Variants in ZNF385D observed in about 807,000 individuals in gnomAD.
ZNF385D encodes zinc finger protein 659.
In ZNF385D, 15 loss-of-function variants were observed where a neutral mutation model predicts 35.8. That is an observed-to-expected ratio of 0.42 (90% CI 0.28 to 0.64). ZNF385D has a LOEUF of 0.64. ZNF385D is among the 30% of genes least tolerant of loss of function. The pLI is 0.23. For missense variants in ZNF385D, 474 were observed against 494.6 expected (o/e 0.96, Z 0.39); for synonymous variants, 212 against 186.8 (o/e 1.13, Z -1.10).
chr3:22,000,298 C>A (rs1293422626), intron 3 of ZNF385D, among the ~76,000 whole-genome samples: 1 of 91,790 alleles, frequency 1.1e-5, no homozygotes, highest in African/African-American at 6.7e-5. Context: ...GAGCGAGACT[C>A]CATCTCAAAA....
chr3:22,007,000 G>A (rs1696251767), intron 3 of ZNF385D, among the ~76,000 whole-genome samples: 1 of 151,880 alleles, frequency 6.6e-6, no homozygotes, highest in Non-Finnish European at 1.5e-5. Flanking sequence ...GTATGAAACT[G>A]GTGATGTTGT....
upstream of ZNF385D, among the ~76,000 whole-genome samples, chr3:21,756,105 C>T (rs1284081199): frequency 1.3e-5 from 2 of 152,082 alleles, no homozygotes; most frequent in Non-Finnish European, 2.9e-5. Flanking sequence ...CTATGACTGA[C>T]GTATGAAGAA....
intron 3 of ZNF385D, among the ~76,000 whole-genome samples, chr3:22,046,867 A>C (rs969984356): frequency 6.6e-6 from 1 of 152,158 alleles, no homozygotes; most frequent in African/African-American, 2.4e-5. Context: ...CATTTCATCA[A>C]CTGTGAAACA....
intron 3 of ZNF385D, among the ~76,000 whole-genome samples, chr3:21,799,635 C>G (rs1023323617): frequency 1.3e-5 from 2 of 152,014 alleles, no homozygotes; most frequent in East Asian, 1.9e-4. Flanking sequence ...CTTTTGTCAT[C>G]GAGTTCTAAG....
At chr3:21,785,059 T>G (rs1246305497) in intron 3 of ZNF385D, among the ~76,000 whole-genome samples, 3 of 152,166 alleles carry the variant, frequency 2.0e-5, no homozygotes, top group Non-Finnish European at 2.9e-5. Flanking sequence ...AATCCATGCA[T>G]GCACTTCACA....
chr3:22,264,310 G>T (rs1700785671), intron 2 of ZNF385D, among the ~76,000 whole-genome samples: 1 of 152,024 alleles, frequency 6.6e-6, no homozygotes. Flanking sequence ...GAGAAAGGAA[G>T]TTCACAGGGT....
intron 3 of ZNF385D, among the ~76,000 whole-genome samples, chr3:21,974,503 T>C (rs999882957): frequency 6.6e-6 from 1 of 152,090 alleles, no homozygotes; most frequent in Non-Finnish European, 1.5e-5. Flanking sequence ...CTCTAGGGCA[T>C]TGGTCTGGGC....
At chr3:22,102,667 G>T (rs967696541) in intron 3 of ZNF385D, among the ~76,000 whole-genome samples, 23 of 151,938 alleles carry the variant, frequency 1.5e-4, no homozygotes, top group Non-Finnish European at 1.9e-4. Flanking sequence ...AGAGAATAAA[G>T]AAAAAGAATA....
intron 4 of ZNF385D, among the ~76,000 whole-genome samples, chr3:21,466,605 C>T (rs1703533007): frequency 6.6e-6 from 1 of 152,128 alleles, no homozygotes; most frequent in South Asian, 2.1e-4. Flanking sequence ...TGGTTGCATT[C>T]CTCACTAGCC....
chr3:22,021,463 G>A (rs938367718), intron 3 of ZNF385D, among the ~76,000 whole-genome samples: 1 of 151,994 alleles, frequency 6.6e-6, no homozygotes, highest in African/African-American at 2.4e-5. Context: ...CAATATCTTA[G>A]GTTCAGAGTC....
At chr3:22,117,223 C>A (rs940115991) in intron 3 of ZNF385D, among the ~76,000 whole-genome samples, 1 of 151,946 alleles carries the variant, frequency 6.6e-6, no homozygotes, top group Non-Finnish European at 1.5e-5. Context: ...TAGAAGTGTG[C>A]TTTGGCTCTC....
rs193290211 is a variant in ZNF385D at position 21,735,285 on chromosome 3, G to A, written c.22+15610C>T. Among the ~76,000 whole-genome samples the A allele has an allele frequency of 3.6e-3, 543 of 152,232 alleles. 2 individuals carry two copies. Among genetic ancestry groups the A allele is most frequent in the Non-Finnish European group, 3.8e-3 (257 of 68,018 alleles). ...AAGTGTGGTGAAGAAATAACAAGAC[G>A]ATGAACCAATGACCATCCCTTATAT... On this transcript the variant is annotated intron_variant, in intron 1 of 7. Coordinates refer to ENST00000281523, the MANE Select transcript of ZNF385D (RefSeq NM_024697.3).
intron 3 of ZNF385D, among the ~76,000 whole-genome samples, chr3:21,889,025 G>A (rs1698699384): frequency 6.6e-6 from 1 of 152,230 alleles, no homozygotes; most frequent in Non-Finnish European, 1.5e-5. Flanking sequence ...AGTAGACTGT[G>A]TGTGGGGAGT....
At chr3:21,560,986 ACCCC>A (rs2062923843) in intron 3 of ZNF385D, among the ~76,000 whole-genome samples, 2 of 151,692 alleles carry the variant, frequency 1.3e-5, no homozygotes, top group Admixed American at 1.3e-4. Context: ...AATGGTGGAC[ACCCC>A]TCCCCCAACC....
rs1049050089 is a variant in ZNF385D at position 22,371,624 on chromosome 3, G to A, written c.106+826C>T. On this transcript the variant is annotated intron_variant, in intron 2 of 5. Transcript: ENST00000494108. Reference sequence around the variant, plus strand: ...GGGTGACACCATTTTGGAGGCTGCAGGTGTCCTCTGACCCAAATTCATACA... The same window carrying A: ...GGGTGACACCATTTTGGAGGCTGCAAGTGTCCTCTGACCCAAATTCATACA... 2.0e-5 allele frequency among the ~76,000 whole-genome samples: 3 copies of A among 152,146 alleles called. No individual in the cohort carries two copies. The East Asian group carries it at 5.8e-4, about 29-fold the overall frequency.
At chr3:22,184,322 G>A (rs758835686) in intron 2 of ZNF385D, among the ~76,000 whole-genome samples, 2 of 152,086 alleles carry the variant, frequency 1.3e-5, no homozygotes, top group Admixed American at 6.6e-5. Context: ...ATGGTGTTTT[G>A]TCTTTAAAAT....
chr3:22,296,183 C>T (rs544851754), intron 2 of ZNF385D, among the ~76,000 whole-genome samples: 1 of 152,122 alleles, frequency 6.6e-6, no homozygotes, highest in Non-Finnish European at 1.5e-5. Flanking sequence ...TTATCTATTG[C>T]TACAATACTA....
At chr3:22,229,319 C>G (rs186597394) in intron 2 of ZNF385D, among the ~76,000 whole-genome samples, 40 of 152,306 alleles carry the variant, frequency 2.6e-4, no homozygotes, top group South Asian at 1.5e-3. Context: ...TGGATTAACT[C>G]TGGGATGCCA....
intron 3 of ZNF385D, among the ~76,000 whole-genome samples, chr3:21,842,958 T>G (rs559968713): frequency 1.5e-3 from 230 of 152,194 alleles, no homozygotes; most frequent in Non-Finnish European, 2.8e-3. Flanking sequence ...TGCACTGCAT[T>G]ACATGCAGAA....
Sources: gnomAD v4.1 joint callset for allele counts (sites outside exome capture counted in the v4.1 genomes callset) on GRCh38, gnomAD v4.1.1 for gene constraint, MANE v1.5 for transcripts, NCBI Gene and HGNC (gene_info 2026-07-23, HGNC 2026-07-21) for gene names.